The following NCAM2 variants were observed in gnomAD, a reference collection of about 807,000 sequenced individuals.
NCAM2 encodes N-CAM-2.
Under a neutral mutation model 98.1 loss-of-function variants are expected in NCAM2, and 30 were observed. The ratio of observed to expected loss-of-function variants is 0.31; its 90% CI spans 0.23 to 0.41. The LOEUF is 0.41. Among genes scored for constraint, NCAM2 ranks in the 10% least tolerant of loss-of-function variants. The probability of loss-of-function intolerance (pLI) is 1.00; values close to 1 mark genes in which losing one functional copy is unlikely to be tolerated. For missense variants in NCAM2, 867 were observed against 1,005.8 expected, an observed-to-expected ratio of 0.86 and a Z score of 1.87; for synonymous variants, 368 against 342.4, an observed-to-expected ratio of 1.07 and a Z score of -0.83.
intron 8 of NCAM2, among the ~76,000 whole-genome samples, chr21:21,340,552 A>G (rs1302868433): frequency 6.6e-6 from 1 of 152,022 alleles, no homozygotes; most frequent in Non-Finnish European, 1.5e-5. Context: ...TTTCTTTGCA[A>G]TAAACAATTA....
intron 1 of NCAM2, among the ~76,000 whole-genome samples, chr21:21,273,311 T>C (rs1199185432): frequency 1.4e-5 from 2 of 145,150 alleles, no homozygotes; most frequent in South Asian, 4.2e-4. Context: ...TACAGGAAGA[T>C]AGATAGAACA....
intron 1 of NCAM2, among the ~76,000 whole-genome samples, chr21:21,159,745 TACTC>T (rs2067724368): frequency 6.6e-6 from 1 of 152,002 alleles, no homozygotes; most frequent in Non-Finnish European, 1.5e-5. Context: ...CAACACATGA[TACTC>T]TCTCTCTCCC....
intron 1 of NCAM2, among the ~76,000 whole-genome samples, chr21:21,274,348 T>G (rs1397926900): frequency 6.6e-6 from 1 of 152,082 alleles, no homozygotes; most frequent in Non-Finnish European, 1.5e-5. Flanking sequence ...TTGTTACAAT[T>G]AGAAGAAACA....
chr21:21,018,935 A>C (rs767743272), intron 1 of NCAM2, among the ~76,000 whole-genome samples: 1 of 152,242 alleles, frequency 6.6e-6, no homozygotes, highest in Non-Finnish European at 1.5e-5. Context: ...GATTGGTGAC[A>C]CCAGTCAAAA....
intron 1 of NCAM2, among the ~76,000 whole-genome samples, chr21:21,198,964 G>T (rs1429847013): frequency 2.0e-5 from 3 of 152,104 alleles, no homozygotes; most frequent in Non-Finnish European, 4.4e-5. Context: ...AAGAGCTCCT[G>T]TATGTAGGGT....
chr21:21,345,605 A>G (rs866183886), intron 8 of NCAM2, among the ~76,000 whole-genome samples: 2 of 152,220 alleles, frequency 1.3e-5, no homozygotes, highest in South Asian at 4.1e-4. Context: ...AAAATGAAGC[A>G]TGCCTACAGG....
intron 1 of NCAM2, among the ~76,000 whole-genome samples, chr21:21,079,684 C>T (rs897803600): frequency 6.6e-6 from 1 of 152,016 alleles, no homozygotes; most frequent in Non-Finnish European, 1.5e-5. Flanking sequence ...GCCCCCTACC[C>T]AGATACTCTC....
chr21:21,264,569 C>G (rs2072051387), intron 1 of NCAM2, among the ~76,000 whole-genome samples: 1 of 151,210 alleles, frequency 6.6e-6, no homozygotes, highest in African/African-American at 2.4e-5. Flanking sequence ...GCACTATTCA[C>G]AATAGAAAAG....
intron 1 of NCAM2, among the ~76,000 whole-genome samples, chr21:21,166,334 A>T (rs969184114): frequency 1.1e-4 from 16 of 152,200 alleles, no homozygotes; most frequent in African/African-American, 3.6e-4. Context: ...CAGCCTCCTG[A>T]GTAGCCGGGA....
At chr21:21,080,054 T>A (rs151050956) in intron 1 of NCAM2, among the ~76,000 whole-genome samples, 1 of 152,264 alleles carries the variant, frequency 6.6e-6, no homozygotes, top group African/African-American at 2.4e-5. Context: ...AGAGGGTAGA[T>A]CTCAAGTGTT....
At chr21:21,295,908 T>G (rs2073462086) in intron 5 of NCAM2, among the ~76,000 whole-genome samples, 1 of 151,778 alleles carries the variant, frequency 6.6e-6, no homozygotes, top group African/African-American at 2.4e-5. Flanking sequence ...ACTTTTGAAA[T>G]TACTTACCTT....
Position 21,463,808 on chromosome 21 carries a change from A to G in NCAM2, c.1655-2798A>G, listed in dbSNP as rs1983315698. On this transcript the variant is annotated intron_variant, in intron 12 of 17. Coordinates refer to ENST00000400546, the MANE Select transcript of NCAM2 (RefSeq NM_004540.5). ...ATTGCTGACAATACAAGCCAGAAAG[A>G]GCTTTTGCCTGAAATACTCAGATAA... The G allele has an allele frequency of 2.0e-5, 3 of 152,034 alleles. No homozygotes were observed. The South Asian group carries it at 6.2e-4, about 31-fold the overall frequency. 9.4% of individuals were successfully genotyped at this position (152,034 alleles called of 1,614,324 possible).
chr21:21,034,223 A>G (rs1384666278), intron 1 of NCAM2, among the ~76,000 whole-genome samples: 1 of 152,148 alleles, frequency 6.6e-6, no homozygotes, highest in African/African-American at 2.4e-5. Context: ...AAGTCTCTGT[A>G]TGGCATAATC....
chr21:21,457,072 G>T lies in NCAM2; in HGVS notation c.1655-9534G>T, dbSNP rs191011561. Reference sequence around the variant, plus strand: ...ACAAATACCTGAAAATGTAGAAGAGGGTTTAGAATTGGGTAATGGCTAGAA... The same window carrying T: ...ACAAATACCTGAAAATGTAGAAGAGTGTTTAGAATTGGGTAATGGCTAGAA... On this transcript the variant is annotated intron_variant, in intron 12 of 17. Coordinates refer to ENST00000400546, the MANE Select transcript of NCAM2 (RefSeq NM_004540.5). Among the ~76,000 whole-genome samples, 261 of 152,308 alleles carry T rather than the reference G, an allele frequency of 1.7e-3. 2 individuals are homozygous for T. The highest frequency in any genetic ancestry group is 6.1e-3 in the African/African-American group (252 of 41,570).
intron 1 of NCAM2, among the ~76,000 whole-genome samples, chr21:21,246,531 GTAA>G (rs746833907): frequency 6.6e-6 from 1 of 152,010 alleles, no homozygotes; most frequent in African/African-American, 2.4e-5. Flanking sequence ...AAAAACGTAT[GTAA>G]TAATAAAGTG....
At chr21:21,399,240 C>T (rs908324329) in intron 9 of NCAM2, among the ~76,000 whole-genome samples, 1 of 152,100 alleles carries the variant, frequency 6.6e-6, no homozygotes, top group Non-Finnish European at 1.5e-5. Context: ...GTATTATGAG[C>T]GTTATTAAAT....
At chr21:21,007,798 C>G (rs2064137981) in intron 1 of NCAM2, among the ~76,000 whole-genome samples, 1 of 152,120 alleles carries the variant, frequency 6.6e-6, no homozygotes, top group Non-Finnish European at 1.5e-5. Context: ...TGACCTGTAT[C>G]TCGTGCCAAC....
At chr21:21,533,670 C>T (rs28697204) in intron 16 of NCAM2, among the ~76,000 whole-genome samples, 3 of 146,584 alleles carry the variant, frequency 2.0e-5, no homozygotes, top group African/African-American at 7.5e-5. Context: ...TTTTTCTGTA[C>T]CTATTTGAAA....
At chr21:21,438,929 GT>G (rs1353353520) in intron 12 of NCAM2, among the ~76,000 whole-genome samples, 2 of 151,862 alleles carry the variant, frequency 1.3e-5, no homozygotes, top group Non-Finnish European at 2.9e-5. Context: ...TAAAAAAATT[GT>G]TTTTTATTAG....
Sources: gnomAD v4.1 joint callset for allele counts (sites outside exome capture counted in the v4.1 genomes callset) on GRCh38, gnomAD v4.1.1 for gene constraint, MANE v1.5 for transcripts, NCBI Gene and HGNC (gene_info 2026-07-23, HGNC 2026-07-21) for gene names.